The following SEMA3A variants were observed in gnomAD, a reference collection of about 807,000 sequenced individuals.
SEMA3A encodes semaphorin 3A.
SEMA3A carries 29 observed loss-of-function variants against 97.9 expected under a neutral mutation model. The ratio of observed to expected loss-of-function variants is 0.30; its 90% CI spans 0.22 to 0.40. The LOEUF (loss-of-function observed/expected upper bound fraction) is 0.40. Among genes scored for constraint, SEMA3A ranks in the 10% least tolerant of loss-of-function variants. SEMA3A has a pLI of 1.00. For missense variants in SEMA3A, 763 were observed against 951.3 expected (o/e 0.80, Z 2.60); for synonymous variants, 321 against 323.7 (o/e 0.99, Z 0.09).
chr7:84,192,001 T>C (rs1423723569), intron 1 of SEMA3A, among the ~76,000 whole-genome samples: 2 of 151,858 alleles, frequency 1.3e-5, no homozygotes, highest in Non-Finnish European at 2.9e-5. Flanking sequence ...CAGGCAAAAA[T>C]GATAAGTAGA....
intron 4 of SEMA3A, among the ~76,000 whole-genome samples, chr7:84,100,047 A>T (rs1319824053): frequency 1.3e-5 from 2 of 152,066 alleles, no homozygotes; most frequent in Non-Finnish European, 2.9e-5. Flanking sequence ...GCTATTTGCC[A>T]TTTCCCTGTT....
intron 2 of SEMA3A, among the ~76,000 whole-genome samples, chr7:84,353,298 C>G (rs1352105463): frequency 2.6e-5 from 4 of 151,514 alleles, no homozygotes; most frequent in African/African-American, 9.7e-5. Context: ...TGGAGGGCTA[C>G]TGTACTCTCT....
intron 3 of SEMA3A, among the ~76,000 whole-genome samples, chr7:84,241,471 AT>A (rs1182477085): frequency 6.6e-6 from 1 of 152,026 alleles, no homozygotes; most frequent in African/African-American, 2.4e-5. Flanking sequence ...TTTCTTGTAA[AT>A]TTGTTTAAGT....
At chr7:84,148,684 T>C (rs936391179) in intron 1 of SEMA3A, among the ~76,000 whole-genome samples, 2 of 152,204 alleles carry the variant, frequency 1.3e-5, no homozygotes, top group African/African-American at 2.4e-5. Flanking sequence ...CCTCCACTTA[T>C]ATTTGTATTT....
At chr7:84,057,910 GT>G (rs1467679883) in intron 5 of SEMA3A, among the ~76,000 whole-genome samples, 1 of 152,090 alleles carries the variant, frequency 6.6e-6, no homozygotes, top group African/African-American at 2.4e-5. Context: ...ACTTCATTCA[GT>G]AGCTTTGCAT....
chr7:84,192,427 GGT>G (rs773944954), intron 1 of SEMA3A, among the ~76,000 whole-genome samples: 8 of 151,776 alleles, frequency 5.3e-5, no homozygotes, highest in Non-Finnish European at 1.2e-4. Context: ...TTAAGCTCTA[GGT>G]GTATCAATGG....
intron 1 of SEMA3A, among the ~76,000 whole-genome samples, chr7:84,439,191 C>T (rs941349274): frequency 5.9e-5 from 9 of 151,862 alleles, no homozygotes; most frequent in African/African-American, 2.2e-4. Context: ...AATGGCTTTT[C>T]TTCTTTCTGA....
At chr7:84,081,424 C>G (rs1794155036) in intron 4 of SEMA3A, among the ~76,000 whole-genome samples, 1 of 151,900 alleles carries the variant, frequency 6.6e-6, no homozygotes, top group African/African-American at 2.4e-5. Flanking sequence ...AACCCCGTCT[C>G]TACTAAAAAT....
intron 13 of SEMA3A, among the ~76,000 whole-genome samples, chr7:83,984,961 G>A (rs1789566917): frequency 6.6e-6 from 1 of 151,848 alleles, no homozygotes; most frequent in Non-Finnish European, 1.5e-5. Context: ...TTTAAGTCAA[G>A]GTCCTCCAAA....
At chr7:84,430,483 A>G (rs1484924956) in intron 1 of SEMA3A, among the ~76,000 whole-genome samples, 1 of 152,066 alleles carries the variant, frequency 6.6e-6, no homozygotes, top group Non-Finnish European at 1.5e-5. Context: ...AATTTCATGT[A>G]GAATGGGCAA....
At chr7:84,344,845 T>A (rs554048341) in intron 2 of SEMA3A, among the ~76,000 whole-genome samples, 1 of 152,284 alleles carries the variant, frequency 6.6e-6, no homozygotes, top group East Asian at 1.9e-4. Flanking sequence ...TTAGATTTAC[T>A]CAAAATTCAA....
At position 83,958,253 on chromosome 7, in the gene SEMA3A, A is replaced by G. The variant is rs1353580355; in HGVS notation, c.*3118T>C. 6.6e-6 allele frequency: 1 copy of G among 152,520 alleles called. No individual in the cohort carries two copies. Among genetic ancestry groups the G allele is most frequent in the Non-Finnish European group, 1.5e-5 (1 of 67,972 alleles). 9.4% of individuals were successfully genotyped at this position (152,520 alleles called of 1,614,324 possible). On this transcript the variant is annotated 3_prime_UTR_variant, in exon 17 of 17. Coordinates refer to ENST00000265362, the MANE Select transcript of SEMA3A (RefSeq NM_006080.3). ...GAAGAAATCTGTTAGCTAATTATGT[A>G]GCAACCTGACTCTGGTTCTCAACAT...
chr7:84,481,007 G>A (rs1395535207), intron 1 of SEMA3A, among the ~76,000 whole-genome samples: 1 of 152,142 alleles, frequency 6.6e-6, no homozygotes, highest in Non-Finnish European at 1.5e-5. Context: ...AGAAGCCTAT[G>A]GCATGAGGGT....
At chr7:84,290,021 T>C (rs895912174) in intron 3 of SEMA3A, among the ~76,000 whole-genome samples, 1 of 152,138 alleles carries the variant, frequency 6.6e-6, no homozygotes, top group Non-Finnish European at 1.5e-5. Flanking sequence ...GAACAGAAAT[T>C]ATATAATTTC....
At chr7:84,469,092 G>C (rs756592838) in intron 1 of SEMA3A, among the ~76,000 whole-genome samples, 1 of 152,080 alleles carries the variant, frequency 6.6e-6, no homozygotes, top group African/African-American at 2.4e-5. Flanking sequence ...AGCATGCCAC[G>C]TGTTTTAAAA....
At chr7:83,962,873 TAGG>T (rs998327485) in intron 16 of SEMA3A, among the ~76,000 whole-genome samples, 6 of 152,078 alleles carry the variant, frequency 3.9e-5, no homozygotes, top group South Asian at 4.1e-4. Context: ...TTAAAATTAG[TAGG>T]AGGTTTTTTT....
At chr7:83,997,274 C>CT (rs908353091) in intron 12 of SEMA3A, among the ~76,000 whole-genome samples, 12 of 152,056 alleles carry the variant, frequency 7.9e-5, no homozygotes, top group Non-Finnish European at 1.5e-4. Flanking sequence ...TATCCCTGAC[C>CT]TTTTTTATAG....
chr7:84,044,009 T>C (rs1037616880), intron 6 of SEMA3A, among the ~76,000 whole-genome samples: 1 of 152,050 alleles, frequency 6.6e-6, no homozygotes, highest in Non-Finnish European at 1.5e-5. Context: ...CTCCTTTATG[T>C]TATTCCATCT....
intron 3 of SEMA3A, among the ~76,000 whole-genome samples, chr7:84,274,386 GGAGTAGAGAGAAGAAAGA>G (rs1426559404): frequency 1.3e-5 from 2 of 151,964 alleles, no homozygotes; most frequent in African/African-American, 4.8e-5. Context: ...CACAATTAAG[GGAGTAGAGAGAAGAAAGA>G]GAGTAGAGAA....
Sources: gnomAD v4.1 joint callset for allele counts (sites outside exome capture counted in the v4.1 genomes callset) on GRCh38, gnomAD v4.1.1 for gene constraint, MANE v1.5 for transcripts, NCBI Gene and HGNC (gene_info 2026-07-23, HGNC 2026-07-21) for gene names.